PIAS4: variants seen among roughly 807,000 people sequenced by gnomAD.
PIAS4 encodes E3 SUMO-protein ligase PIAS4.
PIAS4 carries 7 observed loss-of-function variants against 58.0 expected under a neutral mutation model. The ratio of observed to expected loss-of-function variants is 0.12; its 90% confidence interval spans 0.07 to 0.23. The LOEUF is 0.23. Among genes scored for constraint, PIAS4 ranks in the 10% least tolerant of loss-of-function variants. PIAS4 has a pLI of 1.00. For synonymous variants in PIAS4, 364 were observed against 312.4 expected (o/e 1.17, Z -1.74); for missense variants, 550 against 709.5 (o/e 0.78, Z 2.55).
chr19:4,013,112 C>T lies in PIAS4; in HGVS notation c.217C>T (p.Pro73Ser), dbSNP rs753654253. ...CCGCTACGCCAAGAAGAACTCGGAG[C>T]CTGCCCCACAGCCGCACCGGCCCCT... is the stretch of plus-strand genomic sequence containing the variant. The part of the protein sequence containing the change: ...ETRYAKKNSE[P>S]APQPHRPLDP... The change falls in exon 2 of 11, where the codon CCT (proline) becomes TCT (serine). Residue 73 changes from proline to serine, a missense_variant. This residue lies in a region of PIAS4 where 95 missense variants were observed against 87.5 expected (regional missense o/e 1.09). Transcript: ENST00000262971. This position sits in a 1 kb window ranked among gnomAD's most constrained non-coding sequence, Gnocchi z 5.1. 4 of 1,613,384 alleles carry T rather than the reference C, an allele frequency of 2.5e-6. No individual in the cohort carries two copies. In the Admixed American group the frequency reaches 5.0e-5, roughly 20 times the overall value.
chr19:4,015,822 C>CGCCG (rs1406034538), intron 2 of PIAS4, among the ~76,000 whole-genome samples: 3 of 152,232 alleles, frequency 2.0e-5, no homozygotes, highest in Non-Finnish European at 4.4e-5. Flanking sequence ...CCGGAATAGC[C>CGCCG]GCCGGCCGGC....
Position 4,028,389 on chromosome 19 carries a change from C to T in PIAS4, c.582-121C>T, listed in dbSNP as rs953916198. 4.5e-4 allele frequency: 370 copies of T among 828,780 alleles called. 1 individual carries two copies. The highest frequency in any genetic ancestry group is 6.6e-4 in the Non-Finnish European group (336 of 509,132). 51.3% of individuals were successfully genotyped at this position (828,780 alleles called of 1,614,324 possible). On this transcript the variant is annotated intron_variant, in intron 4 of 10. Transcript: ENST00000262971. ...CCACACCCGGGGGCCCTGATACCCC[C>T]CGTGTCACATTCTCCGGTGCCCCCA...
chr19:4,024,255 G>C, intron 3 of PIAS4, 135 bp downstream of exon 3: 1 of 688,584 alleles, frequency 1.5e-6, no homozygotes, highest in Non-Finnish European at 2.6e-6. Context: ...CTGCAAGGCA[G>C]TGGCCGGGTT....
chr19:4,026,132 T>C (rs1426748871), intron 3 of PIAS4, among the ~76,000 whole-genome samples: 1 of 150,138 alleles, frequency 6.7e-6, no homozygotes, highest in Admixed American at 6.6e-5. Flanking sequence ...GACATTTCTT[T>C]TTCTTTTTCT....
chr19:4,014,178 G>A (rs1289025212), intron 2 of PIAS4, among the ~76,000 whole-genome samples: 2 of 152,216 alleles, frequency 1.3e-5, no homozygotes, highest in Admixed American at 6.5e-5. Context: ...ATCCCAGGCG[G>A]AGGAGAGGTG....
chr19:4,007,813 C>G, intron 1 of PIAS4, 26 bp downstream of exon 1: 6 of 1,208,616 alleles, frequency 5.0e-6, no homozygotes, highest in Non-Finnish European at 6.2e-6. Flanking sequence ...CGGCGCCGGC[C>G]GGGGCAAGTG....
chr19:4,019,075 G>A (rs996457855), intron 2 of PIAS4, among the ~76,000 whole-genome samples: 7 of 152,134 alleles, frequency 4.6e-5, no homozygotes, highest in South Asian at 2.1e-4. Flanking sequence ...TGCACCGGGC[G>A]GGATTTGAAA....
At chr19:4,024,287 A>G (rs958321808) in intron 3 of PIAS4, among the ~76,000 whole-genome samples, 167 bp downstream of exon 3, 3 of 152,206 alleles carry the variant, frequency 2.0e-5, no homozygotes, top group African/African-American at 4.8e-5. Flanking sequence ...AGAAAACCCC[A>G]TCCTGGGTCT....
intron 3 of PIAS4, among the ~76,000 whole-genome samples, chr19:4,024,953 T>G (rs2040147786): frequency 6.6e-6 from 1 of 152,150 alleles, no homozygotes; most frequent in Non-Finnish European, 1.5e-5. Flanking sequence ...TTAGTAGAGA[T>G]AGGGTTTTGC....
intron 2 of PIAS4, among the ~76,000 whole-genome samples, chr19:4,016,028 G>C (rs572798636): frequency 2.0e-5 from 3 of 152,212 alleles, no homozygotes; most frequent in Non-Finnish European, 4.4e-5. Context: ...GCCCAAGGTC[G>C]CACAGCGGCC....
At position 4,013,222 on chromosome 19, in the gene PIAS4, C is replaced by G; in HGVS notation, c.327C>G (p.Pro109=). ...TGGCAGGCCCCAATATTGACTACCC[C>G]GTGCTCTACGGAAAGTACTTAAACG... ...TPLAGPNIDY[P]VLYGKYLNGL... The change falls in exon 2 of 11, where the codon CCC becomes CCG. Residue 109 remains proline, a synonymous_variant. Coordinates refer to ENST00000262971, the MANE Select transcript of PIAS4 (RefSeq NM_015897.4). This position sits in a 1 kb window ranked among gnomAD's most constrained non-coding sequence, Gnocchi z 5.1. The G allele has an allele frequency of 1.2e-6, 2 of 1,613,538 alleles. No individual in the cohort carries two copies. Among genetic ancestry groups the G allele is most frequent in the South Asian group, 2.2e-5 (2 of 91,086 alleles).
At chr19:4,033,206 T>C in intron 8 of PIAS4, 33 bp downstream of exon 8, 1 of 1,581,906 alleles carries the variant, frequency 6.3e-7, no homozygotes. Flanking sequence ...CCTCGAGGCC[T>C]CTCCTGCGGC....
chr19:4,038,972 A>T lies in PIAS4; in HGVS notation c.*1097A>T, dbSNP rs1241663568. On this transcript the variant is annotated 3_prime_UTR_variant, in exon 11 of 11. Transcript: ENST00000262971. This position sits in a 1 kb window ranked among gnomAD's most constrained non-coding sequence, Gnocchi z 4.1. ...TCCCGGCCCCTCGCAGGCCCCACCC[A>T]TGCCCTTGGCCTCAGGGTCCAACAA... 1.3e-5 allele frequency: 2 copies of T among 152,246 alleles called. No individual in the cohort carries two copies. The highest frequency in any genetic ancestry group is 2.9e-5 in the Non-Finnish European group (2 of 68,180). The allele number at this position is 152,246 out of a possible 1,614,324, so 9.4% of individuals were successfully genotyped here.
At position 4,011,853 on chromosome 19, in the gene PIAS4, A is replaced by G. The variant is rs1450568839; in HGVS notation, c.28-1070A>G. Among the ~76,000 whole-genome samples the G allele has an allele frequency of 5.6e-4, 45 of 80,552 alleles. 1 individual carries two copies. Among genetic ancestry groups the G allele is most frequent in the Non-Finnish European group, 8.5e-4 (34 of 39,842 alleles). 52.8% of individuals were successfully genotyped at this position (80,552 alleles called of 152,430 possible). On this transcript the variant is annotated intron_variant, in intron 1 of 10. Coordinates refer to ENST00000262971, the MANE Select transcript of PIAS4 (RefSeq NM_015897.4). ...GGGTGTGGAGGTGTGTGGGGTGTGG[A>G]GGTGTGTTTGGTGTGGAGCTGTGGG...
intron 2 of PIAS4, among the ~76,000 whole-genome samples, chr19:4,021,640 G>C (rs1209595134): frequency 6.6e-6 from 1 of 151,654 alleles, no homozygotes; most frequent in Non-Finnish European, 1.5e-5. Context: ...TAAGAAGTAT[G>C]CTTTCCTTCT....
At chr19:4,032,697 CAA>C (rs1455880138) in intron 7 of PIAS4, among the ~76,000 whole-genome samples, 1 of 152,216 alleles carries the variant, frequency 6.6e-6, no homozygotes, top group Non-Finnish European at 1.5e-5. Context: ...ATCCGTCTCC[CAA>C]AGAGTCCCTG....
chr19:4,033,235 G>T, intron 8 of PIAS4, 62 bp downstream of exon 8: 1 of 1,519,798 alleles, frequency 6.6e-7, no homozygotes, highest in Non-Finnish European at 9.0e-7. Context: ...CCCCCTGGCG[G>T]CCCTGGGCCC....
intron 9 of PIAS4, among the ~76,000 whole-genome samples, chr19:4,036,830 C>T (rs532840315): frequency 9.2e-5 from 13 of 141,594 alleles, no homozygotes; most frequent in African/African-American, 1.5e-4. Context: ...CAGTCCACAC[C>T]GTCACACACA....
intron 9 of PIAS4, among the ~76,000 whole-genome samples, chr19:4,036,546 A>G (rs543451816): frequency 7.0e-6 from 1 of 142,224 alleles, no homozygotes; most frequent in South Asian, 2.2e-4. Context: ...ACATGCACAC[A>G]TCTATACAGT....
Sources: allele counts gnomAD v4.1 joint callset (sites outside exome capture counted in the v4.1 genomes callset), GRCh38; gene constraint gnomAD v4.1.1; regional missense constraint gnomAD v4.1.1; non-coding constraint Gnocchi (gnomAD v3.1); transcripts MANE v1.5; gene names NCBI Gene and HGNC (gene_info 2026-07-23, HGNC 2026-07-21).